Variants in PLAUR observed in about 807,000 individuals in gnomAD.
PLAUR encodes urokinase plasminogen activator surface receptor.
In PLAUR, 22 loss-of-function variants were observed where a neutral mutation model predicts 33.4. The observed-to-expected ratio is 0.66, with a 90% CI of 0.47 to 0.94. The LOEUF is 0.94. PLAUR is among the 40% of genes least tolerant of loss of function. PLAUR has a pLI of 0.00. For missense variants in PLAUR, 408 were observed against 434.7 expected (o/e 0.94, Z 0.55); for synonymous variants, 148 against 167.3 (o/e 0.88, Z 0.89).
intron 3 of PLAUR, chr19:43,656,941 CTTTTTT>C: frequency 6.7e-6 from 1 of 148,428 alleles, no homozygotes. Context: ...CATTTCTTTC[CTTTTTT>C]TTTTTTTTTT....
downstream of PLAUR, chr19:43,646,139 G>T (rs1973823136): frequency 4.8e-6 from 1 of 206,846 alleles, no homozygotes; most frequent in South Asian, 7.5e-5. Flanking sequence ...AGGTCTCACT[G>T]TGTTGCCCAG....
In PLAUR at chr19:43,655,559, C is replaced by T. The variant is rs1466875898; in HGVS notation, c.487G>A (p.Asp163Asn). 1.2e-6 allele frequency: 2 copies of T among 1,614,074 alleles called. No individual in the cohort carries two copies. Among genetic ancestry groups the T allele is most frequent in the South Asian group, 1.1e-5 (1 of 91,044 alleles). Residue 163 changes from aspartate to asparagine, a missense_variant, in exon 5 of 7, where the codon GAC becomes AAC. Physicochemically the swap from Asp to Asn is conservative, Grantham distance 23 (BLOSUM62 1). Coordinates refer to ENST00000340093, the MANE Select transcript of PLAUR (RefSeq NM_002659.4). ...QEGEEGRPKD[D>N]RHLRGCGYLP... The stretch of plus-strand genomic sequence containing the variant: ...TAGCCACAGCCACGGAGGTGGCGGT[C>T]ATCCTTTGGACGCCCTATGGGGGCC...
At chr19:43,656,738 A>C (rs1600126043) in intron 3 of PLAUR, 98 bp from the exon 4 acceptor site, 30 of 978,696 alleles carry the variant, frequency 3.1e-5, no homozygotes, top group South Asian at 1.7e-5. Flanking sequence ...TCCTTATCCC[A>C]CCCTGCAGCC....
In PLAUR at chr19:43,667,581, C is replaced by G; in HGVS notation, c.166G>C (p.Glu56Gln). The change falls in exon 2 of 7, where the codon GAA becomes CAA. Residue 56 changes from glutamate to glutamine, a missense_variant and splice_region_variant. Physicochemically the swap from Glu to Gln is conservative, Grantham distance 29. Coordinates refer to ENST00000340093, the MANE Select transcript of PLAUR (RefSeq NM_002659.4). ...CRTTIVRLWE[E>Q]GEELELVEKS... ...GTGTGTGGGTTGGGGGGAAGCTCAC[C>G]TTCCCACAAGCGCACGATCGTGGTC... is the stretch of plus-strand genomic sequence containing the variant. 6.2e-7 allele frequency: 1 copy of G among 1,610,362 alleles called. No individual in the cohort carries two copies. The highest frequency in any genetic ancestry group is 2.2e-5 in the East Asian group (1 of 44,870).
downstream of PLAUR, among the ~76,000 whole-genome samples, chr19:43,648,007 G>A (rs4251930): frequency 1.5e-3 from 229 of 149,880 alleles, no homozygotes; most frequent in African/African-American, 5.0e-3. Flanking sequence ...ATCTAGGTTC[G>A]GAATGTTTTC....
chr19:43,656,359 T>C, intron 4 of PLAUR, 120 bp downstream of exon 4: 6 of 873,260 alleles, frequency 6.9e-6, no homozygotes, highest in African/African-American at 1.7e-5. Context: ...ACTGGACCTC[T>C]TGTGTATGAG....
intron 3 of PLAUR, among the ~76,000 whole-genome samples, chr19:43,663,804 AAAAAAC>A (rs1443847594): frequency 6.6e-6 from 1 of 151,118 alleles, no homozygotes; most frequent in Non-Finnish European, 1.5e-5. Context: ...AAACAAAAAA[AAAAAAC>A]AAAAACAAAA....
chr19:43,652,122 G>A (rs2146205040), intron 6 of PLAUR, 103 bp downstream of exon 6: 6 of 1,552,934 alleles, frequency 3.9e-6, no homozygotes, highest in South Asian at 2.4e-5. Flanking sequence ...CTTTTCCACA[G>A]GGAGACCCAC....
chr19:43,663,744 G>A (rs555020915), intron 3 of PLAUR, among the ~76,000 whole-genome samples: 1 of 148,432 alleles, frequency 6.7e-6, no homozygotes, highest in Admixed American at 6.9e-5. Flanking sequence ...TCGTGGCATT[G>A]CACTCCAGCC....
At chr19:43,646,777 A>C (rs1422058885), downstream of PLAUR, among the ~76,000 whole-genome samples, 1 of 144,192 alleles carries the variant, frequency 6.9e-6, no homozygotes, top group Non-Finnish European at 1.5e-5. Flanking sequence ...CCCAAATACC[A>C]TGGAAGATGT....
At chr19:43,647,534 C>T (rs180810744), downstream of PLAUR, among the ~76,000 whole-genome samples, 13 of 152,198 alleles carry the variant, frequency 8.5e-5, no homozygotes, top group Admixed American at 5.9e-4. Context: ...AGGCCAGGCA[C>T]GGTGGCTCAT....
chr19:43,663,352 C>CAG (rs1173708446), intron 3 of PLAUR, among the ~76,000 whole-genome samples: 1 of 133,602 alleles, frequency 7.5e-6, no homozygotes, highest in African/African-American at 2.8e-5. Context: ...CACACACACA[C>CAG]AGGACTGTGA....
chr19:43,653,101 C>G (rs562270557), intron 5 of PLAUR, among the ~76,000 whole-genome samples: 2 of 152,296 alleles, frequency 1.3e-5, no homozygotes, highest in South Asian at 4.1e-4. Context: ...GTGTGAGCCA[C>G]TGTGCCCAGC....
rs1222940351 is a variant in PLAUR, at chr19:43,652,379, G to C, written c.608-8C>G. ...GATTTTCAAGCTCCAGGACTTAGGA[G>C]AAGACCAGAGACACAGAGACCAAGA... On this transcript the variant is annotated splice_region_variant and splice_polypyrimidine_tract_variant and intron_variant, in intron 5 of 6. Coordinates refer to ENST00000340093, the MANE Select transcript of PLAUR (RefSeq NM_002659.4). 1 of 1,613,452 alleles carries C rather than the reference G, an allele frequency of 6.2e-7. No homozygotes were observed.
chr19:43,649,653 G>A (rs1048161298), intron 6 of PLAUR, among the ~76,000 whole-genome samples: 5 of 145,872 alleles, frequency 3.4e-5, no homozygotes, highest in African/African-American at 1.3e-4. Context: ...GAGGGAGGAA[G>A]GAAGGAAGGA....
chr19:43,652,128 C>A, intron 6 of PLAUR, 97 bp downstream of exon 6: 3 of 1,561,480 alleles, frequency 1.9e-6, no homozygotes, highest in Non-Finnish European at 1.7e-6. Flanking sequence ...CACAGGGAGA[C>A]CCACCACAGT....
chr19:43,665,483 C>T lies in PLAUR; in HGVS notation c.167-24G>A, dbSNP rs200062790. On this transcript the variant is annotated intron_variant, in intron 2 of 6. Coordinates refer to ENST00000340093, the MANE Select transcript of PLAUR (RefSeq NM_002659.4). ...TTCTGCAAGGAGGGGATCTTCATTA[C>T]CCCAGAGGCTCCTCTCAGCTCAACC... The T allele has an allele frequency of 1.1e-5, 18 of 1,611,148 alleles. No individual in the cohort carries two copies. The Admixed American group carries it at 2.2e-4, about 19-fold the overall frequency.
intron 3 of PLAUR, among the ~76,000 whole-genome samples, chr19:43,664,130 G>GA (rs1240245790): frequency 2.0e-5 from 3 of 152,062 alleles, no homozygotes; most frequent in Non-Finnish European, 4.4e-5. Flanking sequence ...ACATCTCACC[G>GA]AGACGGGAAG....
At chr19:43,655,625 A>G in intron 4 of PLAUR, 52 bp from the exon 5 acceptor site, 2 of 1,562,250 alleles carry the variant, frequency 1.3e-6, no homozygotes, top group South Asian at 2.3e-5. Flanking sequence ...ATGAGGGACT[A>G]AGATGGGATT....
Sources: gnomAD v4.1 joint callset for allele counts (sites outside exome capture counted in the v4.1 genomes callset) on GRCh38, gnomAD v4.1.1 for gene constraint, MANE v1.5 for transcripts, NCBI Gene and HGNC (gene_info 2026-07-23, HGNC 2026-07-21) for gene names.